The following THSD4 variants were observed in gnomAD, a reference collection of about 807,000 sequenced individuals.
THSD4 encodes thrombospondin type 1 domain containing 4.
THSD4 carries 69 observed loss-of-function variants against 119.0 expected under a neutral mutation model. The ratio of observed to expected loss-of-function variants is 0.58; its 90% confidence interval spans 0.48 to 0.71. The LOEUF (loss-of-function observed/expected upper bound fraction) is 0.71, where lower values mean the gene tolerates loss of function less well. THSD4 is among the 30% of genes least tolerant of loss of function. The pLI is 0.00. For missense variants in THSD4, 1,393 were observed against 1,391.1 expected, an observed-to-expected ratio of 1.00 and a Z score of -0.02; for synonymous variants, 524 against 540.4, an observed-to-expected ratio of 0.97 and a Z score of 0.42.
chr15:71,118,313 T>C (rs180813779), intron 1 of THSD4, among the ~76,000 whole-genome samples: 129 of 152,254 alleles, frequency 8.5e-4, no homozygotes, highest in African/African-American at 2.8e-3. Context: ...GTCTCTATCA[T>C]GGTCTTATCT....
chr15:71,493,781 C>T (rs992827518), intron 7 of THSD4, among the ~76,000 whole-genome samples: 4 of 152,238 alleles, frequency 2.6e-5, no homozygotes, highest in South Asian at 2.1e-4. Flanking sequence ...ACTTCATACC[C>T]GGTCTGTCAA....
At chr15:71,390,986 G>A (rs1436997005) in intron 6 of THSD4, among the ~76,000 whole-genome samples, 5 of 145,812 alleles carry the variant, frequency 3.4e-5, no homozygotes, top group Non-Finnish European at 7.5e-5. Flanking sequence ...TCAGCCACCC[G>A]AGTAGCTGAG....
At chr15:71,442,917 C>T (rs950251574) in intron 7 of THSD4, among the ~76,000 whole-genome samples, 2 of 151,422 alleles carry the variant, frequency 1.3e-5, no homozygotes, top group African/African-American at 4.9e-5. Flanking sequence ...CCCATAGTCC[C>T]TTGTGCTTGA....
At chr15:71,643,953 T>TA (rs2140968582) in intron 7 of THSD4, among the ~76,000 whole-genome samples, 1 of 152,360 alleles carries the variant, frequency 6.6e-6, no homozygotes, top group South Asian at 2.1e-4. Context: ...CACGTAGGCG[T>TA]ATACTGTGGT....
rs147999702 is a variant in THSD4, at chr15:71,537,463, C to T, written c.1153-123067C>T. ...TTCTATTCAGCCATACCCCCTTCCT[C>T]TCAAGTCATCAGGAAGGCAAGTATT... On this transcript the variant is annotated intron_variant, in intron 7 of 17. Transcript: ENST00000261862. 1.1e-3 allele frequency among the ~76,000 whole-genome samples: 161 copies of T among 152,284 alleles called. 1 individual carries two copies. The highest frequency in any genetic ancestry group is 7.2e-3 in the East Asian group (37 of 5,170).
intron 7 of THSD4, among the ~76,000 whole-genome samples, chr15:71,560,860 GTA>G (rs1250222185): frequency 6.6e-6 from 1 of 151,844 alleles, no homozygotes; most frequent in Non-Finnish European, 1.5e-5. Context: ...GATGTCTTTT[GTA>G]TAGTGGGAGA....
In THSD4 at chr15:71,776,683, G is replaced by C. The variant is rs1595941140; in HGVS notation, c.2915-549G>C. ...ACAAAACTACTTAAAAGCATTGTTT[G>C]CACTAGAAAAAAAAAATTGGATTAA... On this transcript the variant is annotated intron_variant, in intron 17 of 17. Transcript: ENST00000261862. 2.7e-5 allele frequency among the ~76,000 whole-genome samples: 4 copies of C among 150,718 alleles called. No individual in the cohort carries two copies. In the South Asian group the frequency reaches 8.3e-4, roughly 31 times the overall value.
At chr15:71,276,427 G>A (rs995460548) in intron 6 of THSD4, among the ~76,000 whole-genome samples, 1 of 152,196 alleles carries the variant, frequency 6.6e-6, no homozygotes, top group African/African-American at 2.4e-5. Flanking sequence ...TTAGAGTGTG[G>A]TTAATGAGTC....
chr15:71,215,210 G>T lies in THSD4; in HGVS notation c.275G>T (p.Arg92Leu). The change falls in exon 4 of 18, where the codon CGG (arginine) becomes CTG (leucine). Residue 92 changes from arginine to leucine, a missense_variant. Physicochemically the swap from Arg to Leu is moderately radical, Grantham distance 102. Transcript: ENST00000261862. ...PRSYRLRGGQRPGAPARAFAD... is the reference protein window; with the variant it reads ...PRSYRLRGGQLPGAPARAFAD... Reference sequence around the variant, plus strand: ...TCCTACCGCCTGCGCGGCGGCCAGCGGCCTGGCGCCCCTGCGCGCGCCTTC... The same window carrying T: ...TCCTACCGCCTGCGCGGCGGCCAGCTGCCTGGCGCCCCTGCGCGCGCCTTC... The T allele has an allele frequency of 2.2e-6, 3 of 1,365,020 alleles. No individual in the cohort carries two copies. Among genetic ancestry groups the T allele is most frequent in the Admixed American group, 3.5e-5 (1 of 28,216 alleles). The allele number at this position is 1,365,020 out of a possible 1,614,324, so 84.6% of individuals were successfully genotyped here.
At chr15:71,430,489 A>G (rs1387532928) in intron 7 of THSD4, among the ~76,000 whole-genome samples, 1 of 152,246 alleles carries the variant, frequency 6.6e-6, no homozygotes, top group East Asian at 1.9e-4. Context: ...TGTAAGCTAA[A>G]TCAAAGATTT....
At chr15:71,735,488 G>A (rs1274245355) in intron 10 of THSD4, among the ~76,000 whole-genome samples, 1 of 150,082 alleles carries the variant, frequency 6.7e-6, no homozygotes, top group African/African-American at 2.5e-5. Flanking sequence ...CTAGCTCTCT[G>A]TCTTGCTCTC....
intron 7 of THSD4, among the ~76,000 whole-genome samples, chr15:71,543,550 G>A (rs1175816262): frequency 1.3e-5 from 2 of 152,156 alleles, no homozygotes; most frequent in African/African-American, 4.8e-5. Context: ...GGAATTATAT[G>A]GATAATGATG....
chr15:71,555,975 CT>C (rs1422350226), intron 7 of THSD4, among the ~76,000 whole-genome samples: 1 of 152,086 alleles, frequency 6.6e-6, no homozygotes, highest in African/African-American at 2.4e-5. Context: ...ATATGTCTAT[CT>C]TTTTCTGGCC....
At chr15:71,664,973 A>G (rs1476772730) in intron 8 of THSD4, among the ~76,000 whole-genome samples, 8 of 152,070 alleles carry the variant, frequency 5.3e-5, no homozygotes, top group Non-Finnish European at 1.2e-4. Flanking sequence ...ATGTGTCTTT[A>G]TGGTAGGATG....
Position 71,466,131 on chromosome 15 carries a change from C to G in THSD4, c.1152+54308C>G, listed in dbSNP as rs190854261. Among the ~76,000 whole-genome samples, 724 of 151,998 alleles carry G rather than the reference C, an allele frequency of 4.8e-3. 4 individuals carry two copies. The highest frequency in any genetic ancestry group is 0.017 in the African/African-American group (695 of 41,444). ...TTGGGAGGCTGAGGTGGGTGGATCA[C>G]GAGGTCAGGAGATCAAGACCATCCT... On this transcript the variant is annotated intron_variant, in intron 7 of 17. Transcript: ENST00000261862.
intron 7 of THSD4, among the ~76,000 whole-genome samples, chr15:71,584,255 TC>T (rs1434753322): frequency 8.3e-5 from 11 of 131,756 alleles, no homozygotes; most frequent in African/African-American, 2.4e-4. Context: ...ATTTTTTTTT[TC>T]ACTTTCTTTT....
At chr15:71,183,030 G>T (rs2043550786) in intron 3 of THSD4, 1 of 151,778 alleles carries the variant, frequency 6.6e-6, no homozygotes, top group African/African-American at 2.4e-5. Context: ...CTCTGTATTA[G>T]TCTGTTCTCA....
intron 7 of THSD4, among the ~76,000 whole-genome samples, chr15:71,660,070 A>G (rs1454357835): frequency 1.3e-5 from 2 of 152,160 alleles, no homozygotes; most frequent in African/African-American, 2.4e-5. Context: ...TTCCTAAGAA[A>G]CTGGTCCAGG....
chr15:71,227,450 A>G (rs2044027006), intron 4 of THSD4, among the ~76,000 whole-genome samples: 1 of 152,166 alleles, frequency 6.6e-6, no homozygotes, highest in Non-Finnish European at 1.5e-5. Flanking sequence ...CGATGCCTTC[A>G]TATGAGGATG....
Sources: allele counts gnomAD v4.1 joint callset (sites outside exome capture counted in the v4.1 genomes callset), GRCh38; gene constraint gnomAD v4.1.1; transcripts MANE v1.5; gene names NCBI Gene and HGNC (gene_info 2026-07-23, HGNC 2026-07-21).